CDYL2: variants seen among roughly 807,000 people sequenced by gnomAD.
CDYL2 encodes chromodomain Y-like protein 2.
A neutral mutation model predicts 49.4 loss-of-function variants in CDYL2; 23 were observed. The observed-to-expected ratio is 0.47, with a 90% CI of 0.34 to 0.66. CDYL2 has a LOEUF of 0.66. Ranked by LOEUF, CDYL2 falls within the 30% of genes least tolerant of loss-of-function variation. CDYL2 has a pLI of 0.01. For synonymous variants in CDYL2, 360 were observed against 268.8 expected (o/e 1.34, Z -3.32); for missense variants, 678 against 656.4 (o/e 1.03, Z -0.36).
Position 80,699,084 on chromosome 16 carries a change from T to G in CDYL2, c.25-13955A>C, listed in dbSNP as rs1389966543. Among the ~76,000 whole-genome samples, 2 of 152,038 alleles carry G rather than the reference T, an allele frequency of 1.3e-5. 1 individual carries two copies. The highest frequency in any genetic ancestry group is 2.9e-5 in the Non-Finnish European group (2 of 67,996). The stretch of plus-strand genomic sequence containing the variant: ...GTGGGAATGTAAATTAGTAAAGACA[T>G]GGAAAATAGAAAGGAGGTTCCTCAA... On this transcript the variant is annotated intron_variant, in intron 1 of 6. Coordinates refer to ENST00000570137, the MANE Select transcript of CDYL2 (RefSeq NM_152342.4).
intron 1 of CDYL2, among the ~76,000 whole-genome samples, chr16:80,734,579 C>A (rs917096471): frequency 2.0e-5 from 3 of 152,082 alleles, no homozygotes; most frequent in Non-Finnish European, 4.4e-5. Flanking sequence ...TAAGGAGAAG[C>A]CTTTCTCCTA....
chr16:80,782,966 C>T lies in CDYL2; in HGVS notation c.24+21184G>A, dbSNP rs148790497. On this transcript the variant is annotated intron_variant, in intron 1 of 6. Transcript: ENST00000570137. ...ACAATGATGACCATTTTCTCCACTTCTGTTTAACACAGTACTGGAAGTTCT... is the reference window on the plus strand; with the variant it reads ...ACAATGATGACCATTTTCTCCACTTTTGTTTAACACAGTACTGGAAGTTCT... 7.8e-3 allele frequency among the ~76,000 whole-genome samples: 1,183 copies of T among 152,230 alleles called. 6 individuals are homozygous for T. Among genetic ancestry groups the T allele is most frequent in the Non-Finnish European group, 0.011 (730 of 67,974 alleles).
Position 80,604,510 on chromosome 16 carries a change from G to A in CDYL2, c.1399C>T (p.Leu467=). 1 of 1,614,194 alleles carries A rather than the reference G, an allele frequency of 6.2e-7. No homozygotes were observed. ...EESKCLVRSF[L]KSVLEDVNEK... ...TTCACGTCTTCCAGCACTGATTTCA[G>A]GAAGCTCCGCACGAGGCATTTGGAC... is the stretch of plus-strand genomic sequence containing the variant. Residue 467 remains leucine, a synonymous_variant, in exon 7 of 7, where the codon CTG becomes TTG. Transcript: ENST00000570137.
intron 2 of CDYL2, among the ~76,000 whole-genome samples, chr16:80,653,654 T>C (rs1395222223): frequency 6.6e-6 from 1 of 152,166 alleles, no homozygotes; most frequent in East Asian, 1.9e-4. Flanking sequence ...TCATGGAGAA[T>C]GGGGTCTCCA....
chr16:80,733,390 T>G (rs1905401544), intron 1 of CDYL2, among the ~76,000 whole-genome samples: 1 of 152,220 alleles, frequency 6.6e-6, no homozygotes, highest in African/African-American at 2.4e-5. Flanking sequence ...ATCTTGCCAT[T>G]TGGGCTTGCA....
chr16:80,772,524 C>A (rs962491600), intron 1 of CDYL2, among the ~76,000 whole-genome samples: 5 of 152,188 alleles, frequency 3.3e-5, no homozygotes, highest in African/African-American at 1.2e-4. Context: ...ATGATCTCGG[C>A]TCACTGCAAC....
At chr16:80,674,659 T>A (rs118041070) in intron 2 of CDYL2, among the ~76,000 whole-genome samples, 1,912 of 152,340 alleles carry the variant, frequency 0.013, 19 homozygotes, top group Middle Eastern at 0.031. Context: ...ATCTACTTTC[T>A]GTCTCTACAG....
chr16:80,659,187 T>C (rs979087240), intron 2 of CDYL2, among the ~76,000 whole-genome samples: 1 of 152,144 alleles, frequency 6.6e-6, no homozygotes. Flanking sequence ...AAGCTAAATC[T>C]AACCTTGAAG....
Position 80,645,202 on chromosome 16 carries a change from C to A in CDYL2, c.617-11966G>T, listed in dbSNP as rs1002181458. Among the ~76,000 whole-genome samples, 13 of 152,026 alleles carry A rather than the reference C, an allele frequency of 8.6e-5. 1 individual carries two copies. The highest frequency in any genetic ancestry group is 6.3e-3 in the Middle Eastern group (2 of 316). On this transcript the variant is annotated intron_variant, in intron 2 of 6. Coordinates refer to ENST00000570137, the MANE Select transcript of CDYL2 (RefSeq NM_152342.4). ...GAAACTACCATCAGAGTGAACAGGC[C>A]ACCTACAGAATGGGAGAACATTTTT... is the stretch of plus-strand genomic sequence containing the variant.
Position 80,612,525 on chromosome 16 carries a change from T to C in CDYL2, c.1218+101A>G. On this transcript the variant is annotated intron_variant, in intron 5 of 6. Coordinates refer to ENST00000570137, the MANE Select transcript of CDYL2 (RefSeq NM_152342.4). The surrounding 1 kb of genome is among the most constrained non-coding windows in gnomAD (Gnocchi z 5.0). ...GAGGCAGCCAAGCCAATCTGCAGGC[T>C]GACAACACCCTCAGGTTTCTAGCCC... The C allele has an allele frequency of 8.2e-7, 1 of 1,223,140 alleles. No homozygotes were observed. The highest frequency in any genetic ancestry group is 1.1e-6 in the Non-Finnish European group (1 of 874,258). 75.8% of individuals were successfully genotyped at this position (1,223,140 alleles called of 1,614,324 possible). A position where few individuals can be genotyped will look rare whatever the true frequency, so the allele number is the denominator to read the frequency against.
intron 1 of CDYL2, among the ~76,000 whole-genome samples, chr16:80,757,553 A>ATATAT (rs201163216): frequency 1.4e-4 from 20 of 143,874 alleles, no homozygotes; most frequent in African/African-American, 4.8e-4. Flanking sequence ...AAAAAAAAAA[A>ATATAT]ATATATATAT....
At chr16:80,606,658 T>G (rs983259722) in intron 6 of CDYL2, among the ~76,000 whole-genome samples, 1 of 152,200 alleles carries the variant, frequency 6.6e-6, no homozygotes, top group Non-Finnish European at 1.5e-5. Context: ...AAGGGGCATA[T>G]GGTTTGCCTG....
chr16:80,598,784 A>G lies in CDYL2; in HGVS notation c.*5604T>C, dbSNP rs1359295029. The G allele has an allele frequency of 6.6e-6, 1 of 152,324 alleles. No homozygotes were observed. Among genetic ancestry groups the G allele is most frequent in the Non-Finnish European group, 1.5e-5 (1 of 68,036 alleles). 9.4% of individuals were successfully genotyped at this position (152,324 alleles called of 1,614,324 possible). A position where few individuals can be genotyped will look rare whatever the true frequency, so the allele number is the denominator to read the frequency against. ...TGACAACGAATCCCTCTGTATGGCC[A>G]GCCAGGGGGAGCATGAGGTTGGTGG... On this transcript the variant is annotated 3_prime_UTR_variant, in exon 7 of 7. Transcript: ENST00000570137.
chr16:80,611,972 T>C (rs1906617999), intron 5 of CDYL2, among the ~76,000 whole-genome samples: 1 of 152,218 alleles, frequency 6.6e-6, no homozygotes, highest in African/African-American at 2.4e-5. Flanking sequence ...ATCTGTAAGA[T>C]GGAAATCGCA....
chr16:80,769,324 T>C (rs974468516), intron 1 of CDYL2, among the ~76,000 whole-genome samples: 2 of 152,346 alleles, frequency 1.3e-5, no homozygotes, highest in South Asian at 2.1e-4. Flanking sequence ...CATGAGTTAA[T>C]GGAGGTGATG....
At chr16:80,665,437 A>G (rs1909220235) in intron 2 of CDYL2, among the ~76,000 whole-genome samples, 1 of 149,244 alleles carries the variant, frequency 6.7e-6, no homozygotes, top group South Asian at 2.1e-4. Context: ...AGATCTTGTG[A>G]CCAGTTGTTT....
chr16:80,787,601 C>CCT (rs967756964), intron 1 of CDYL2, among the ~76,000 whole-genome samples: 1 of 150,838 alleles, frequency 6.6e-6, no homozygotes, highest in Non-Finnish European at 1.5e-5. Context: ...TTCTCTCTCT[C>CCT]CTCTCTCTCC....
chr16:80,600,992 C>T lies in CDYL2; in HGVS notation c.*3396G>A, dbSNP rs1906057879. 1 of 152,202 alleles carries T rather than the reference C, an allele frequency of 6.6e-6. No homozygotes were observed. Among genetic ancestry groups the T allele is most frequent in the Non-Finnish European group, 1.5e-5 (1 of 68,034 alleles). 9.4% of individuals were successfully genotyped at this position (152,202 alleles called of 1,614,324 possible). A position where few individuals can be genotyped will look rare whatever the true frequency, so the allele number is the denominator to read the frequency against. On this transcript the variant is annotated 3_prime_UTR_variant, in exon 7 of 7. Transcript: ENST00000570137. ...CAGAGAGAACATTTCCTAGTTTAAT[C>T]TATACCAAACAAGAATGATATTTTA...
At chr16:80,671,648 G>T (rs1300646707) in intron 2 of CDYL2, among the ~76,000 whole-genome samples, 2 of 152,190 alleles carry the variant, frequency 1.3e-5, no homozygotes, top group African/African-American at 4.8e-5. Context: ...AAGAGTACTT[G>T]AGCATGCAGA....
Sources: allele counts gnomAD v4.1 joint callset (sites outside exome capture counted in the v4.1 genomes callset), GRCh38; gene constraint gnomAD v4.1.1; non-coding constraint Gnocchi (gnomAD v3.1); transcripts MANE v1.5; gene names NCBI Gene and HGNC (gene_info 2026-07-23, HGNC 2026-07-21).